The following INSYN2B variants were observed in gnomAD, a reference collection of about 807,000 sequenced individuals.
INSYN2B encodes the protein inhibitory synaptic factor family member 2B, also known as protein INSYN2B.
A neutral mutation model predicts 41.2 loss-of-function variants in INSYN2B; 16 were observed. The observed-to-expected ratio is 0.39, with a 90% CI of 0.26 to 0.59. The LOEUF (loss-of-function observed/expected upper bound fraction) is 0.59. Ranked by LOEUF, INSYN2B falls within the 20% of genes least tolerant of loss-of-function variation. The pLI, the probability that INSYN2B is intolerant of heterozygous loss-of-function variation, is 0.57. For missense variants in INSYN2B, 608 were observed against 646.4 expected (o/e 0.94, Z 0.64); for synonymous variants, 245 against 244.4 (o/e 1.00, Z -0.02).
intron 1 of INSYN2B, among the ~76,000 whole-genome samples, chr5:169,979,164 C>T (rs191661264): frequency 6.6e-6 from 1 of 152,296 alleles, no homozygotes; most frequent in Admixed American, 6.5e-5. Flanking sequence ...CCCCTCTGTT[C>T]CCCATGCAGT....
At chr5:169,882,503 G>A in intron 2 of INSYN2B, 50 bp downstream of exon 2, 2 of 1,448,636 alleles carry the variant, frequency 1.4e-6, no homozygotes, top group Non-Finnish European at 1.9e-6. Flanking sequence ...CCCTGTGTTG[G>A]CAAATGACTT....
At chr5:169,914,858 G>T (rs2113631721) in intron 1 of INSYN2B, among the ~76,000 whole-genome samples, 1 of 152,338 alleles carries the variant, frequency 6.6e-6, no homozygotes, top group East Asian at 1.9e-4. Context: ...TGGAGTAAAT[G>T]ATCTACAAAG....
chr5:169,944,988 G>A (rs1776387636), intron 1 of INSYN2B, among the ~76,000 whole-genome samples: 1 of 152,162 alleles, frequency 6.6e-6, no homozygotes, highest in South Asian at 2.1e-4. Context: ...AGAATGGCTG[G>A]CAAATACCTC....
intron 3 of INSYN2B, among the ~76,000 whole-genome samples, chr5:169,879,600 AACTT>A (rs370576126): frequency 3.0e-4 from 45 of 152,358 alleles, no homozygotes; most frequent in African/African-American, 1.0e-3. Context: ...CCAGGGGTGT[AACTT>A]AATTTAGAAT....
chr5:169,881,234 A>G, intron 3 of INSYN2B, 134 bp downstream of exon 3: 2 of 701,470 alleles, frequency 2.9e-6, no homozygotes, highest in South Asian at 3.6e-5. Context: ...CCTTGGAACC[A>G]GATGTTAACA....
intron 1 of INSYN2B, among the ~76,000 whole-genome samples, chr5:169,923,898 T>C (rs1158314173): frequency 6.6e-6 from 1 of 152,232 alleles, no homozygotes; most frequent in Admixed American, 6.5e-5. Flanking sequence ...ATGGAAGTTT[T>C]GTGGGATAAG....
At chr5:169,944,735 G>C (rs1776377955) in intron 1 of INSYN2B, among the ~76,000 whole-genome samples, 1 of 152,224 alleles carries the variant, frequency 6.6e-6, no homozygotes, top group Non-Finnish European at 1.5e-5. Flanking sequence ...ACCAGTGCTA[G>C]GAACCTTGCT....
chr5:169,957,615 G>T (rs1337703287), intron 1 of INSYN2B, among the ~76,000 whole-genome samples: 1 of 152,170 alleles, frequency 6.6e-6, no homozygotes, highest in Non-Finnish European at 1.5e-5. Context: ...ATCACAGAAA[G>T]ACTCATTCCT....
At chr5:169,929,513 G>T (rs1775639317) in intron 1 of INSYN2B, among the ~76,000 whole-genome samples, 1 of 152,094 alleles carries the variant, frequency 6.6e-6, no homozygotes, top group Admixed American at 6.5e-5. Context: ...GAGGGGGGAG[G>T]ATTGCTTGAG....
rs1227611366 is a variant in INSYN2B at position 169,862,348 on chromosome 5, C to G, written c.*1925G>C. The stretch of plus-strand genomic sequence containing the variant: ...AGCATGATGCCCGAGAATATAAATT[C>G]ACATGAAATTAGCGTAAGCAAAGCA... On this transcript the variant is annotated 3_prime_UTR_variant, in exon 4 of 4. Transcript: ENST00000377365. Among the ~76,000 whole-genome samples, 1 of 152,176 alleles carries G rather than the reference C, an allele frequency of 6.6e-6. No individual in the cohort carries two copies. Among genetic ancestry groups the G allele is most frequent in the Non-Finnish European group, 1.5e-5 (1 of 68,034 alleles).
chr5:169,951,643 T>C (rs2113726189), intron 1 of INSYN2B, among the ~76,000 whole-genome samples: 1 of 152,364 alleles, frequency 6.6e-6, no homozygotes, highest in South Asian at 2.1e-4. Context: ...AATAGCATTA[T>C]GATGAGGGTC....
chr5:169,926,186 G>A (rs1775443680), intron 1 of INSYN2B, among the ~76,000 whole-genome samples: 3 of 152,296 alleles, frequency 2.0e-5, no homozygotes, highest in Middle Eastern at 3.4e-3. Flanking sequence ...GCATGGATGT[G>A]GATAGGTAGA....
In INSYN2B at chr5:169,862,655, G is replaced by C. The variant is rs574314710; in HGVS notation, c.*1618C>G. 6.6e-6 allele frequency among the ~76,000 whole-genome samples: 1 copy of C among 152,320 alleles called. No homozygotes were observed. The highest frequency in any genetic ancestry group is 1.9e-4 in the East Asian group (1 of 5,188). On this transcript the variant is annotated 3_prime_UTR_variant, in exon 4 of 4. Coordinates refer to ENST00000377365, the MANE Select transcript of INSYN2B (RefSeq NM_001129891.3). Reference sequence around the variant, plus strand: ...GGGCTTAAACATTACACTAGAAACAGAACAAGAACATCTTGAATGACATTC... The same window carrying C: ...GGGCTTAAACATTACACTAGAAACACAACAAGAACATCTTGAATGACATTC...
chr5:169,873,506 T>C (rs1772116539), intron 3 of INSYN2B, among the ~76,000 whole-genome samples: 1 of 152,246 alleles, frequency 6.6e-6, no homozygotes, highest in Non-Finnish European at 1.5e-5. Flanking sequence ...ATAACAGATA[T>C]GCTGTGTGCC....
intron 1 of INSYN2B, chr5:169,934,703 G>A (rs921832613): frequency 2.2e-6 from 1 of 456,262 alleles, no homozygotes; most frequent in Non-Finnish European, 4.4e-6. Context: ...AGTATTAAAT[G>A]TGATAGTATC....
At chr5:169,931,379 T>C (rs1775745271) in intron 1 of INSYN2B, among the ~76,000 whole-genome samples, 1 of 152,216 alleles carries the variant, frequency 6.6e-6, no homozygotes, top group Non-Finnish European at 1.5e-5. Context: ...GCCTTGATAT[T>C]GCCGCCTCTC....
At chr5:169,910,884 G>A (rs928793676) in intron 1 of INSYN2B, among the ~76,000 whole-genome samples, 4 of 152,178 alleles carry the variant, frequency 2.6e-5, no homozygotes, top group Admixed American at 6.5e-5. Context: ...CCTGCAGGGG[G>A]TTGGTTAACC....
At chr5:169,965,030 C>T (rs1777242795) in intron 1 of INSYN2B, among the ~76,000 whole-genome samples, 1 of 152,192 alleles carries the variant, frequency 6.6e-6, no homozygotes, top group Admixed American at 6.5e-5. Context: ...TCAATTCATT[C>T]AATCGCCAAA....
intron 1 of INSYN2B, among the ~76,000 whole-genome samples, chr5:169,954,869 C>T (rs189923132): frequency 2.8e-4 from 43 of 152,326 alleles, no homozygotes; most frequent in African/African-American, 9.1e-4. Flanking sequence ...ACCAAATCAA[C>T]AGTGACTTGA....
Sources: allele counts gnomAD v4.1 joint callset (sites outside exome capture counted in the v4.1 genomes callset), GRCh38; gene constraint gnomAD v4.1.1; transcripts MANE v1.5; gene names NCBI Gene and HGNC (gene_info 2026-07-23, HGNC 2026-07-21).